Variants in ZSWIM6 observed in about 807,000 individuals in gnomAD.
The protein encoded by ZSWIM6 is zinc finger SWIM domain-containing protein 6.
In ZSWIM6, 9 loss-of-function variants were observed where a neutral mutation model predicts 113.2. That is an observed-to-expected ratio of 0.08 (90% CI 0.05 to 0.14). The LOEUF (loss-of-function observed/expected upper bound fraction) is 0.14. Among genes scored for constraint, ZSWIM6 ranks in the 10% least tolerant of loss-of-function variants. The pLI, the probability that ZSWIM6 is intolerant of heterozygous loss-of-function variation, is 1.00. For synonymous variants in ZSWIM6, 611 were observed against 606.5 expected, an observed-to-expected ratio of 1.01 and a Z score of -0.11; for missense variants, 1,162 against 1,552.2, an observed-to-expected ratio of 0.75 and a Z score of 4.22.
intron 1 of ZSWIM6, among the ~76,000 whole-genome samples, chr5:61,342,894 A>T (rs1744577809): frequency 6.6e-6 from 1 of 152,102 alleles, no homozygotes; most frequent in Non-Finnish European, 1.5e-5. Context: ...AAAAACTACT[A>T]CATTAAAAAA....
At chr5:61,492,959 C>T (rs188797083) in intron 3 of ZSWIM6, among the ~76,000 whole-genome samples, 72 of 152,118 alleles carry the variant, frequency 4.7e-4, no homozygotes, top group African/African-American at 6.5e-4. Context: ...TAATTTCTTA[C>T]GGGGAAATTA....
At chr5:61,492,484 T>C (rs1561261707) in intron 3 of ZSWIM6, among the ~76,000 whole-genome samples, 1 of 152,110 alleles carries the variant, frequency 6.6e-6, no homozygotes, top group Non-Finnish European at 1.5e-5. Context: ...TTATTTTACT[T>C]CTCTGAGGCT....
At chr5:61,483,818 A>G (rs1747943860) in intron 2 of ZSWIM6, among the ~76,000 whole-genome samples, 1 of 151,636 alleles carries the variant, frequency 6.6e-6, no homozygotes, top group Non-Finnish European at 1.5e-5. Flanking sequence ...CAGAGCTTGC[A>G]GTGAGCCGAG....
chr5:61,449,060 TG>T (rs1747029012), intron 1 of ZSWIM6, among the ~76,000 whole-genome samples: 1 of 152,210 alleles, frequency 6.6e-6, no homozygotes, highest in South Asian at 2.1e-4. Context: ...CAATTCCTGT[TG>T]GGCATTTACA....
At chr5:61,503,747 G>T (rs1748533450) in intron 4 of ZSWIM6, among the ~76,000 whole-genome samples, 1 of 152,154 alleles carries the variant, frequency 6.6e-6, no homozygotes, top group South Asian at 2.1e-4. Context: ...GATATTCTTT[G>T]CTAAGCATTA....
chr5:61,390,554 G>A, intron 1 of ZSWIM6: 1 of 511,848 alleles, frequency 2.0e-6, no homozygotes, highest in Non-Finnish European at 3.6e-6. Flanking sequence ...GCCTACAAAA[G>A]TTAAAACTTT....
intron 4 of ZSWIM6, among the ~76,000 whole-genome samples, chr5:61,501,841 A>G (rs1341647976): frequency 1.3e-5 from 2 of 152,202 alleles, no homozygotes; most frequent in East Asian, 3.8e-4. Context: ...TTAGTGGTTA[A>G]TAGGAATGTC....
chr5:61,524,617 G>A (rs13167695), intron 5 of ZSWIM6, among the ~76,000 whole-genome samples: 17,368 of 152,132 alleles, frequency 0.11, 1,255 homozygotes, highest in South Asian at 0.17. Flanking sequence ...AGGGGTTGGC[G>A]TAGATGAGTT....
In ZSWIM6 at chr5:61,453,760, G is replaced by A. The variant is rs567536918; in HGVS notation, c.677-18921G>A. Among the ~76,000 whole-genome samples, 62 of 151,188 alleles carry A rather than the reference G, an allele frequency of 4.1e-4. 1 individual carries two copies. Among genetic ancestry groups the A allele is most frequent in the Non-Finnish European group, 8.3e-4 (56 of 67,876 alleles). On this transcript the variant is annotated intron_variant, in intron 1 of 13. Transcript: ENST00000252744. ...ATTAGAAGGGAGTCACCAAAGTCCA[G>A]TCCACACACTGGGAGGAGAGATTAA...
chr5:61,417,574 A>G (rs1336906204), intron 1 of ZSWIM6, among the ~76,000 whole-genome samples: 7 of 152,228 alleles, frequency 4.6e-5, no homozygotes, highest in African/African-American at 1.7e-4. Context: ...AGTCTGAAAC[A>G]TAAATGAAAA....
At chr5:61,451,820 G>A (rs896922629) in intron 1 of ZSWIM6, among the ~76,000 whole-genome samples, 1 of 152,084 alleles carries the variant, frequency 6.6e-6, no homozygotes, top group African/African-American at 2.4e-5. Context: ...AATTTATAGA[G>A]ATGGAAAAAA....
At position 61,541,976 on chromosome 5, in the gene ZSWIM6, T is replaced by C. The variant is rs1317170120; in HGVS notation, c.2785+11T>C. On this transcript the variant is annotated intron_variant, in intron 13 of 13. Transcript: ENST00000252744. The stretch of plus-strand genomic sequence containing the variant: ...GTGCTACTGAAGTCGGTAGGTAAAC[T>C]CTGGAACAGAAGCTTTCCTAGGTGC... 1.9e-6 allele frequency: 3 copies of C among 1,548,622 alleles called. No individual in the cohort carries two copies. Among genetic ancestry groups the C allele is most frequent in the Non-Finnish European group, 2.6e-6 (3 of 1,144,382 alleles).
At chr5:61,459,719 C>G (rs1747284423) in intron 1 of ZSWIM6, among the ~76,000 whole-genome samples, 1 of 152,116 alleles carries the variant, frequency 6.6e-6, no homozygotes, top group African/African-American at 2.4e-5. Flanking sequence ...ATATGTCAGG[C>G]ACTGTTCTAG....
At chr5:61,353,327 T>G (rs1744829786) in intron 1 of ZSWIM6, among the ~76,000 whole-genome samples, 1 of 152,300 alleles carries the variant, frequency 6.6e-6, no homozygotes, top group Admixed American at 6.5e-5. Flanking sequence ...CTAGCTCTCA[T>G]AACAACTTTG....
At chr5:61,336,101 A>C (rs1320531344) in intron 1 of ZSWIM6, among the ~76,000 whole-genome samples, 1 of 152,054 alleles carries the variant, frequency 6.6e-6, no homozygotes, top group African/African-American at 2.4e-5. Context: ...TGTCCCTACC[A>C]AAAATAGAAG....
chr5:61,540,081 TTAAA>T (rs1310007201), intron 12 of ZSWIM6, among the ~76,000 whole-genome samples: 1 of 152,214 alleles, frequency 6.6e-6, no homozygotes, highest in African/African-American at 2.4e-5. Context: ...AATAAGAGAC[TTAAA>T]TAAAGCTAGC....
chr5:61,425,014 G>C (rs1386139377), intron 1 of ZSWIM6, among the ~76,000 whole-genome samples: 1 of 151,992 alleles, frequency 6.6e-6, no homozygotes, highest in Admixed American at 6.6e-5. Context: ...CACTGCGCCC[G>C]GCACTAATCT....
At chr5:61,353,980 C>A (rs1744845701) in intron 1 of ZSWIM6, among the ~76,000 whole-genome samples, 1 of 152,204 alleles carries the variant, frequency 6.6e-6, no homozygotes, top group South Asian at 2.1e-4. Flanking sequence ...CATTCTCTTA[C>A]TACCGAATTA....
intron 1 of ZSWIM6, among the ~76,000 whole-genome samples, chr5:61,337,093 C>T (rs1037057355): frequency 1.3e-5 from 2 of 152,126 alleles, no homozygotes; most frequent in Non-Finnish European, 2.9e-5. Flanking sequence ...CCAGCCTGGC[C>T]AACAGGGCGA....
Sources: allele counts gnomAD v4.1 joint callset (sites outside exome capture counted in the v4.1 genomes callset), GRCh38; gene constraint gnomAD v4.1.1; transcripts MANE v1.5; gene names NCBI Gene and HGNC (gene_info 2026-07-23, HGNC 2026-07-21).